Variants in PCDH15 observed in about 807,000 individuals in gnomAD.
PCDH15 encodes the protein protocadherin-15.
A neutral mutation model predicts 178.5 loss-of-function variants in PCDH15; 129 were observed. The observed-to-expected ratio is 0.72, with a 90% CI of 0.63 to 0.84. PCDH15 has a LOEUF of 0.84. PCDH15 is among the 40% of genes least tolerant of loss of function. The pLI is 0.00. For missense variants in PCDH15, 2,230 were observed against 2,099.9 expected (o/e 1.06, Z -1.21); for synonymous variants, 800 against 732.0 (o/e 1.09, Z -1.50).
intron 1 of PCDH15, among the ~76,000 whole-genome samples, chr10:54,772,149 T>C (rs1949166993): frequency 6.6e-6 from 1 of 152,218 alleles, no homozygotes; most frequent in Admixed American, 6.5e-5. Context: ...TTCAAATAAA[T>C]GAAACATACA....
At chr10:54,425,816 T>C (rs1463613766) in intron 3 of PCDH15, among the ~76,000 whole-genome samples, 1 of 152,158 alleles carries the variant, frequency 6.6e-6, no homozygotes, top group African/African-American at 2.4e-5. Context: ...GATAAGCATA[T>C]AATACATGAG....
At chr10:55,396,027 C>G (rs968320634) in intron 2 of PCDH15, among the ~76,000 whole-genome samples, 1 of 151,658 alleles carries the variant, frequency 6.6e-6, no homozygotes, top group Admixed American at 6.6e-5. Context: ...TACAATTTTA[C>G]AAAAAAATAT....
At chr10:55,042,007 T>C (rs1431990532) in intron 2 of PCDH15, among the ~76,000 whole-genome samples, 1 of 152,120 alleles carries the variant, frequency 6.6e-6, no homozygotes, top group Non-Finnish European at 1.5e-5. Context: ...ATTCATGATT[T>C]CATTTGGTCT....
At chr10:55,240,987 C>T (rs988977298) in intron 1 of PCDH15, among the ~76,000 whole-genome samples, 2 of 152,106 alleles carry the variant, frequency 1.3e-5, no homozygotes, top group East Asian at 3.9e-4. Flanking sequence ...GAGGCCAAGG[C>T]GGGCGGATCA....
intron 13 of PCDH15, among the ~76,000 whole-genome samples, chr10:54,177,018 A>T (rs541823216): frequency 2.6e-4 from 40 of 152,184 alleles, no homozygotes; most frequent in Non-Finnish European, 5.4e-4. Context: ...AAAACTTGAA[A>T]GCAACCAAAA....
intron 2 of PCDH15, among the ~76,000 whole-genome samples, chr10:55,499,686 T>C (rs1840612861): frequency 6.6e-6 from 1 of 151,800 alleles, no homozygotes; most frequent in African/African-American, 2.4e-5. Flanking sequence ...AAAAATTCCA[T>C]GTTGACATGT....
At chr10:55,441,202 T>C (rs1839176213) in intron 2 of PCDH15, among the ~76,000 whole-genome samples, 1 of 152,214 alleles carries the variant, frequency 6.6e-6, no homozygotes, top group South Asian at 2.1e-4. Context: ...GACTGTAAGA[T>C]TAGTTTTACC....
intron 8 of PCDH15, among the ~76,000 whole-genome samples, chr10:54,287,765 T>G (rs1016297517): frequency 2.0e-5 from 3 of 152,300 alleles, no homozygotes; most frequent in Middle Eastern, 3.4e-3. Context: ...TAACAGATAT[T>G]AATTATATCT....
chr10:54,528,443 G>A, intron 2 of PCDH15: 2 of 1,504,182 alleles, frequency 1.3e-6, no homozygotes, highest in East Asian at 2.4e-5. Flanking sequence ...AAGCAGATCA[G>A]AAAAATGGAA....
At chr10:55,071,666 C>T (rs1841750381) in intron 2 of PCDH15, among the ~76,000 whole-genome samples, 1 of 152,128 alleles carries the variant, frequency 6.6e-6, no homozygotes, top group Non-Finnish European at 1.5e-5. Flanking sequence ...TAACACCCCA[C>T]TGTCAACATT....
intron 3 of PCDH15, among the ~76,000 whole-genome samples, chr10:54,405,970 A>AT (rs1400554661): frequency 6.6e-6 from 1 of 152,028 alleles, no homozygotes; most frequent in Non-Finnish European, 1.5e-5. Context: ...GCTTCTTTGT[A>AT]TTTTTTCTGG....
chr10:54,539,362 C>G (rs2084938315), intron 2 of PCDH15, among the ~76,000 whole-genome samples: 1 of 152,018 alleles, frequency 6.6e-6, no homozygotes, highest in South Asian at 2.1e-4. Flanking sequence ...TTTAAACCAA[C>G]AACAATAAAA....
chr10:55,555,781 A>C (rs958164293), intron 2 of PCDH15, among the ~76,000 whole-genome samples: 2 of 152,098 alleles, frequency 1.3e-5, no homozygotes, highest in Admixed American at 1.3e-4. Flanking sequence ...ACATGCATAG[A>C]AAATTAATAA....
At chr10:54,456,945 C>T (rs2076863877) in intron 3 of PCDH15, among the ~76,000 whole-genome samples, 1 of 152,100 alleles carries the variant, frequency 6.6e-6, no homozygotes, top group African/African-American at 2.4e-5. Context: ...TGTAAGCTTC[C>T]TGAGGCCTCC....
At chr10:54,237,852 A>C (rs1591353637) in intron 8 of PCDH15, among the ~76,000 whole-genome samples, 1 of 152,338 alleles carries the variant, frequency 6.6e-6, no homozygotes, top group African/African-American at 2.4e-5. Context: ...GATATTAAAT[A>C]CAGTTTTGAA....
chr10:55,575,664 A>G (rs997208303), intron 2 of PCDH15: 3 of 152,176 alleles, frequency 2.0e-5, no homozygotes, highest in Non-Finnish European at 2.9e-5. Context: ...TAGTTGTCAA[A>G]TGTGCATGTC....
intron 2 of PCDH15, among the ~76,000 whole-genome samples, chr10:54,904,484 C>T (rs1954687665): frequency 6.6e-6 from 1 of 151,860 alleles, no homozygotes; most frequent in Non-Finnish European, 1.5e-5. Context: ...AAAAAAATCT[C>T]AGGTTGGAAC....
intron 6 of PCDH15, among the ~76,000 whole-genome samples, chr10:54,339,704 A>G (rs1941874850): frequency 6.6e-6 from 1 of 152,156 alleles, no homozygotes; most frequent in South Asian, 2.1e-4. Flanking sequence ...ACTTTTTAAC[A>G]AAGAACCATA....
At chr10:54,797,507 AACACACACACACACACAC>A (rs71014418) in intron 1 of PCDH15, among the ~76,000 whole-genome samples, 4 of 145,184 alleles carry the variant, frequency 2.8e-5, no homozygotes, top group African/African-American at 5.1e-5. Context: ...TTATTGTTGA[AACACACACACACACACAC>A]ACACACACAC....
Sources: gnomAD v4.1 joint callset for allele counts (sites outside exome capture counted in the v4.1 genomes callset) on GRCh38, gnomAD v4.1.1 for gene constraint, MANE v1.5 for transcripts, NCBI Gene and HGNC (gene_info 2026-07-23, HGNC 2026-07-21) for gene names.